OPRM1: variants seen among roughly 807,000 people sequenced by gnomAD.
OPRM1 encodes the protein opioid receptor mu 1.
Under a neutral mutation model 31.8 loss-of-function variants are expected in OPRM1, and 27 were observed. The observed-to-expected ratio is 0.85, with a 90% CI of 0.63 to 1.17. OPRM1 has a LOEUF of 1.17. OPRM1 is among the 50% of genes most tolerant of loss of function. The pLI is 0.00. For missense variants in OPRM1, 536 were observed against 511.1 expected, an observed-to-expected ratio of 1.05 and a Z score of -0.47; for synonymous variants, 196 against 189.9, an observed-to-expected ratio of 1.03 and a Z score of -0.26.
In OPRM1 at chr6:154,129,473, T is replaced by A. The variant is rs627210; in HGVS notation, c.*10752T>A. On this transcript the variant is annotated 3_prime_UTR_variant, in exon 4 of 4. Coordinates refer to ENST00000330432, the MANE Select transcript of OPRM1 (RefSeq NM_000914.5). ...CTGAATATGAAACAATATAAAACAATGTGAGAGGGTCTTTCTCTCCTCTCA... is the reference window on the plus strand; with the variant it reads ...CTGAATATGAAACAATATAAAACAAAGTGAGAGGGTCTTTCTCTCCTCTCA... Among the ~76,000 whole-genome samples, 1 of 151,988 alleles carries A rather than the reference T, an allele frequency of 6.6e-6. No individual in the cohort carries two copies. The highest frequency in any genetic ancestry group is 1.9e-4 in the East Asian group (1 of 5,184).
intron 1 of OPRM1, among the ~76,000 whole-genome samples, chr6:154,024,930 G>A (rs1406060465): frequency 6.6e-6 from 1 of 151,798 alleles, no homozygotes; most frequent in African/African-American, 2.4e-5. Flanking sequence ...TTTGTTGAAT[G>A]TTTTAGACAT....
chr6:154,197,738 C>T (rs1026859227), intron 3 of OPRM1, among the ~76,000 whole-genome samples: 2 of 152,168 alleles, frequency 1.3e-5, no homozygotes, highest in Non-Finnish European at 2.9e-5. Flanking sequence ...TAAAAGAAAA[C>T]CCTCAACCTC....
chr6:154,080,758 T>G (rs536781379), intron 1 of OPRM1, among the ~76,000 whole-genome samples: 4 of 152,358 alleles, frequency 2.6e-5, no homozygotes, highest in African/African-American at 9.6e-5. Flanking sequence ...AATGGCTTAA[T>G]GAACAGTCTC....
intron 3 of OPRM1, among the ~76,000 whole-genome samples, chr6:154,193,731 C>T (rs1802138916): frequency 6.6e-6 from 1 of 152,216 alleles, no homozygotes; most frequent in Admixed American, 6.5e-5. Context: ...ACACTTCGGC[C>T]TTGCTGCCAG....
intron 1 of OPRM1, among the ~76,000 whole-genome samples, chr6:154,056,067 A>G (rs897122420): frequency 6.6e-6 from 1 of 152,184 alleles, no homozygotes; most frequent in Non-Finnish European, 1.5e-5. Flanking sequence ...CTGATTCTCT[A>G]ATCACAGTAA....
intron 3 of OPRM1, among the ~76,000 whole-genome samples, chr6:154,211,341 A>G (rs1777945923): frequency 6.6e-6 from 1 of 152,098 alleles, no homozygotes; most frequent in African/African-American, 2.4e-5. Context: ...CCTGGGAGGC[A>G]GAGCTTGCAG....
chr6:154,065,244 G>T lies in OPRM1; in HGVS notation c.291-24582G>T, dbSNP rs990919198. Among the ~76,000 whole-genome samples, 8 of 151,118 alleles carry T rather than the reference G, an allele frequency of 5.3e-5. No homozygotes were observed. The South Asian group carries it at 8.4e-4, about 16-fold the overall frequency. Reference sequence around the variant, plus strand: ...GGCTCACTGCAACCTCCACCTCCCGGGTTTAAGTGATTCTCCTGCCTCACC... The same window carrying T: ...GGCTCACTGCAACCTCCACCTCCCGTGTTTAAGTGATTCTCCTGCCTCACC... On this transcript the variant is annotated intron_variant, in intron 1 of 3. Transcript: ENST00000330432.
rs1388273851 is a variant in OPRM1, at chr6:154,120,011, G to A, written c.*1290G>A. Among the ~76,000 whole-genome samples the A allele has an allele frequency of 6.6e-6, 1 of 152,126 alleles. No individual in the cohort carries two copies. Among genetic ancestry groups the A allele is most frequent in the Non-Finnish European group, 1.5e-5 (1 of 68,018 alleles). ...TGTTGTGAAACACAGTAGAGATTTG[G>A]CAATCAACCATTTTACTTGATCTAG... On this transcript the variant is annotated 3_prime_UTR_variant, in exon 4 of 4. Coordinates refer to ENST00000330432, the MANE Select transcript of OPRM1 (RefSeq NM_000914.5).
At chr6:154,090,643 T>A (rs1036875875) in intron 2 of OPRM1, among the ~76,000 whole-genome samples, 2 of 152,218 alleles carry the variant, frequency 1.3e-5, no homozygotes, top group Non-Finnish European at 2.9e-5. Context: ...AATTATTACA[T>A]TTTTTATATC....
At chr6:154,031,426 C>T (rs1243062668) in intron 1 of OPRM1, among the ~76,000 whole-genome samples, 1 of 152,076 alleles carries the variant, frequency 6.6e-6, no homozygotes, top group Admixed American at 6.6e-5. Flanking sequence ...GAACCAGTGC[C>T]TTACAGTGAG....
chr6:154,179,349 T>C (rs960458674), intron 3 of OPRM1, among the ~76,000 whole-genome samples: 2 of 152,226 alleles, frequency 1.3e-5, no homozygotes, highest in African/African-American at 4.8e-5. Flanking sequence ...TTTTGCTTTT[T>C]ATATATTTTT....
At chr6:154,086,185 T>C (rs1196215115) in intron 1 of OPRM1, among the ~76,000 whole-genome samples, 1 of 152,198 alleles carries the variant, frequency 6.6e-6, no homozygotes, top group Non-Finnish European at 1.5e-5. Context: ...TTAAAGCCTT[T>C]GGGTATATGC....
chr6:154,237,804 A>G (rs1780252110), intron 3 of OPRM1, among the ~76,000 whole-genome samples: 1 of 152,194 alleles, frequency 6.6e-6, no homozygotes, highest in African/African-American at 2.4e-5. Context: ...ATACATATGT[A>G]TGTTTATACA....
upstream of OPRM1, among the ~76,000 whole-genome samples, chr6:154,037,199 A>T (rs1779355998): frequency 6.6e-6 from 1 of 152,048 alleles, no homozygotes; most frequent in African/African-American, 2.4e-5. Flanking sequence ...GTAATCAAAC[A>T]CTATTGTATC....
At chr6:154,163,560 CG>C (rs1272834402) in intron 3 of OPRM1, among the ~76,000 whole-genome samples, 1 of 152,128 alleles carries the variant, frequency 6.6e-6, no homozygotes, top group Admixed American at 6.5e-5. Context: ...CATAAGCTTC[CG>C]GAAGGCAGGC....
Position 154,131,367 on chromosome 6 carries a change from T to C in OPRM1, c.*12646T>C, listed in dbSNP as rs1292349615. 1.3e-5 allele frequency among the ~76,000 whole-genome samples: 2 copies of C among 152,238 alleles called. No homozygotes were observed. The highest frequency in any genetic ancestry group is 2.9e-5 in the Non-Finnish European group (2 of 68,046). On this transcript the variant is annotated 3_prime_UTR_variant, in exon 4 of 4. Coordinates refer to ENST00000330432, the MANE Select transcript of OPRM1 (RefSeq NM_000914.5). ...CCAGGAATAAGAATGGCAACTGAAT[T>C]GTTCCTTCTTTATTCTATAGCTTTA...
rs779654564 is a variant in OPRM1 at position 154,085,888 on chromosome 6, C to CTTTTTTTTTTTTTTT, written c.291-3935_291-3921dup. 1.3e-3 allele frequency among the ~76,000 whole-genome samples: 165 copies of CTTTTTTTTTTTTTTT among 123,930 alleles called. 5 individuals carry two copies. Among genetic ancestry groups the CTTTTTTTTTTTTTTT allele is most frequent in the Non-Finnish European group, 2.1e-3 (127 of 60,868 alleles). The allele number at this position is 123,930 out of a possible 152,430, so 81.3% of individuals were successfully genotyped here. ...CATCAGAACAGAATGAAAGCTTGCC[C>CTTTTTTTTTTTTTTT]TTTTTTTTTTTTTTTTTGAGACAGT... On this transcript the variant is annotated intron_variant, in intron 1 of 3. Transcript: ENST00000330432.
intron 3 of OPRM1, among the ~76,000 whole-genome samples, chr6:154,201,788 G>A (rs987303864): frequency 3.3e-5 from 5 of 152,260 alleles, no homozygotes; most frequent in South Asian, 2.1e-4. Flanking sequence ...CCAGCTACTC[G>A]GGAAGCTGAG....
intron 3 of OPRM1, among the ~76,000 whole-genome samples, chr6:154,181,515 T>G (rs1385665038): frequency 6.6e-6 from 1 of 152,234 alleles, no homozygotes; most frequent in African/African-American, 2.4e-5. Flanking sequence ...AATATATATA[T>G]TTGATGCGTT....
Sources: allele counts gnomAD v4.1 joint callset (sites outside exome capture counted in the v4.1 genomes callset), GRCh38; gene constraint gnomAD v4.1.1; transcripts MANE v1.5; gene names NCBI Gene and HGNC (gene_info 2026-07-23, HGNC 2026-07-21).